Variants in BMPR1A observed in about 807,000 individuals in gnomAD.
BMPR1A encodes the protein bone morphogenetic protein receptor type-1A.
Under a neutral mutation model 66.0 loss-of-function variants are expected in BMPR1A, and 7 were observed. The ratio of observed to expected loss-of-function variants is 0.11; its 90% CI spans 0.06 to 0.20. The LOEUF (loss-of-function observed/expected upper bound fraction) is 0.20, where lower values mean the gene tolerates loss of function less well. Among genes scored for constraint, BMPR1A ranks in the 10% least tolerant of loss-of-function variants. The pLI, the probability that BMPR1A is intolerant of heterozygous loss-of-function variation, is 1.00. For missense variants in BMPR1A, 408 were observed against 669.1 expected, an observed-to-expected ratio of 0.61 and a Z score of 4.31; for synonymous variants, 200 against 229.7, an observed-to-expected ratio of 0.87 and a Z score of 1.17.
chr10:86,828,760 T>C (rs1271642020), intron 1 of BMPR1A, among the ~76,000 whole-genome samples: 2 of 149,912 alleles, frequency 1.3e-5, no homozygotes, highest in African/African-American at 4.9e-5. Flanking sequence ...AAATGGTCTA[T>C]TGATAATTTC....
intron 1 of BMPR1A, among the ~76,000 whole-genome samples, chr10:86,773,615 AAACAC>A (rs1841300800): frequency 6.7e-6 from 1 of 150,372 alleles, no homozygotes; most frequent in African/African-American, 2.5e-5. Flanking sequence ...AAAAAAAAAA[AAACAC>A]AACACCAGAT....
downstream of BMPR1A, chr10:86,928,136 C>T (rs7076593): frequency 0.96 from 152,197 of 159,272 alleles, 72,734 homozygotes; most frequent in South Asian, 0.98. Flanking sequence ...CACGCTTGCC[C>T]TGTGGAGATA....
chr10:86,759,973 G>T, intron 1 of BMPR1A, among the ~76,000 whole-genome samples: 1 of 72,948 alleles, frequency 1.4e-5, no homozygotes, highest in African/African-American at 5.6e-5. Flanking sequence ...ACCACCCCGC[G>T]ACTCCACCCC....
At chr10:86,843,410 T>C (rs1173447898) in intron 2 of BMPR1A, 3 of 152,226 alleles carry the variant, frequency 2.0e-5, no homozygotes, top group African/African-American at 4.8e-5. Flanking sequence ...CTACAGGATA[T>C]TACTTTTTTG....
At chr10:86,915,384 A>G (rs1485234505) in intron 8 of BMPR1A, among the ~76,000 whole-genome samples, 1 of 152,214 alleles carries the variant, frequency 6.6e-6, no homozygotes, top group Non-Finnish European at 1.5e-5. Context: ...TAATTGTGGT[A>G]TTGGTGATTA....
At chr10:86,822,146 C>G (rs949271237) in intron 1 of BMPR1A, among the ~76,000 whole-genome samples, 4 of 152,072 alleles carry the variant, frequency 2.6e-5, no homozygotes, top group Non-Finnish European at 5.9e-5. Flanking sequence ...ATTTCTTGAT[C>G]TACATTTTAT....
chr10:86,875,745 A>C (rs1842913502), intron 2 of BMPR1A, 122 bp from the exon 3 acceptor site: 10 of 498,190 alleles, frequency 2.0e-5, no homozygotes, highest in Admixed American at 3.5e-5. Flanking sequence ...GGATACCTTT[A>C]ATCTTTTAAA....
At chr10:86,915,315 G>A (rs934774227) in intron 8 of BMPR1A, among the ~76,000 whole-genome samples, 1 of 152,130 alleles carries the variant, frequency 6.6e-6, no homozygotes, top group African/African-American at 2.4e-5. Flanking sequence ...ACAGGCGTGA[G>A]CCACCACGCC....
intron 1 of BMPR1A, among the ~76,000 whole-genome samples, chr10:86,820,819 G>T (rs529985693): frequency 6.6e-6 from 1 of 152,200 alleles, no homozygotes; most frequent in East Asian, 1.9e-4. Flanking sequence ...AGATTTAACT[G>T]CTGGTTCCAT....
At chr10:86,908,802 C>T (rs1314877023) in intron 7 of BMPR1A, among the ~76,000 whole-genome samples, 1 of 152,136 alleles carries the variant, frequency 6.6e-6, no homozygotes, top group East Asian at 1.9e-4. Flanking sequence ...AGGGCTCTTG[C>T]ACCTCCTCCC....
At chr10:86,829,773 A>C (rs1842243307) in intron 1 of BMPR1A, among the ~76,000 whole-genome samples, 1 of 152,242 alleles carries the variant, frequency 6.6e-6, no homozygotes, top group Non-Finnish European at 1.5e-5. Context: ...ATTGCTGAAT[A>C]GGATTCCATG....
At chr10:86,864,799 C>A (rs1442155943) in intron 2 of BMPR1A, among the ~76,000 whole-genome samples, 1 of 151,700 alleles carries the variant, frequency 6.6e-6, no homozygotes, top group Non-Finnish European at 1.5e-5. Context: ...AAACCGTATC[C>A]AGGCCATCAC....
intron 1 of BMPR1A, among the ~76,000 whole-genome samples, chr10:86,790,022 G>A (rs372909225): frequency 6.7e-6 from 1 of 149,866 alleles, no homozygotes; most frequent in East Asian, 2.0e-4. Context: ...CGGGCGTGGT[G>A]GCAGGTTCCT....
chr10:86,861,114 T>C (rs1842707031), intron 2 of BMPR1A, among the ~76,000 whole-genome samples: 1 of 152,180 alleles, frequency 6.6e-6, no homozygotes, highest in Non-Finnish European at 1.5e-5. Context: ...GTGCTGGGAT[T>C]ACAGGCGTGA....
At chr10:86,830,815 T>C (rs970241850) in intron 1 of BMPR1A, among the ~76,000 whole-genome samples, 1 of 152,154 alleles carries the variant, frequency 6.6e-6, no homozygotes, top group Non-Finnish European at 1.5e-5. Context: ...GAGCAAACAT[T>C]TTTAATTTTG....
intron 2 of BMPR1A, among the ~76,000 whole-genome samples, chr10:86,854,202 G>A (rs377754751): frequency 3.5e-4 from 53 of 152,272 alleles, no homozygotes; most frequent in East Asian, 2.9e-3. Flanking sequence ...CCGGCTCACC[G>A]GCGGTCAGAG....
At chr10:86,836,019 T>C (rs1842341256) in intron 1 of BMPR1A, among the ~76,000 whole-genome samples, 1 of 152,222 alleles carries the variant, frequency 6.6e-6, no homozygotes, top group Admixed American at 6.5e-5. Context: ...TTTTAAAGAA[T>C]TGCCTTCTTT....
At chr10:86,772,359 T>C (rs774607783) in intron 1 of BMPR1A, among the ~76,000 whole-genome samples, 1 of 152,050 alleles carries the variant, frequency 6.6e-6, no homozygotes, top group Non-Finnish European at 1.5e-5. Flanking sequence ...CTCGATCTCC[T>C]GACCTCATGA....
chr10:86,852,980 G>A (rs997961033), intron 2 of BMPR1A, among the ~76,000 whole-genome samples: 1 of 152,082 alleles, frequency 6.6e-6, no homozygotes, highest in Non-Finnish European at 1.5e-5. Context: ...GCTGAAAGTT[G>A]TTTTTTATGA....
Sources: gnomAD v4.1 joint callset for allele counts (sites outside exome capture counted in the v4.1 genomes callset) on GRCh38, gnomAD v4.1.1 for gene constraint, MANE v1.5 for transcripts, NCBI Gene and HGNC (gene_info 2026-07-23, HGNC 2026-07-21) for gene names.